The following ADAM7 variants were observed in gnomAD, a reference collection of about 807,000 sequenced individuals.
The protein encoded by ADAM7 is ADAM metallopeptidase domain 7.
Under a neutral mutation model 102.9 loss-of-function variants are expected in ADAM7, and 97 were observed. That is an observed-to-expected ratio of 0.94 (90% confidence interval 0.80 to 1.12). The LOEUF is 1.12. ADAM7 is among the 50% of genes most tolerant of loss of function. ADAM7 has a pLI of 0.00. For missense variants in ADAM7, 991 were observed against 908.7 expected (o/e 1.09, Z -1.16); for synonymous variants, 334 against 304.4 (o/e 1.10, Z -1.01).
At chr8:24,462,343 A>G (rs975104739) in intron 3 of ADAM7, among the ~76,000 whole-genome samples, 4 of 152,192 alleles carry the variant, frequency 2.6e-5, no homozygotes, top group Non-Finnish European at 5.9e-5. Context: ...ATTACTGTGT[A>G]CATTCCTGTT....
intron 11 of ADAM7, among the ~76,000 whole-genome samples, chr8:24,488,254 A>T (rs1411092845): frequency 6.6e-6 from 1 of 152,162 alleles, no homozygotes; most frequent in East Asian, 1.9e-4. Flanking sequence ...CATATTAAAC[A>T]CTCCATAAAC....
intron 3 of ADAM7, among the ~76,000 whole-genome samples, chr8:24,456,352 T>C (rs1443874217): frequency 2.6e-5 from 4 of 152,236 alleles, no homozygotes; most frequent in Admixed American, 6.5e-5. Context: ...ATCTTTACCA[T>C]ATTCTCTTTA....
intron 12 of ADAM7, 188 bp from the exon 13 acceptor site, chr8:24,490,611 G>A (rs991883322): frequency 3.5e-6 from 2 of 574,556 alleles, no homozygotes; most frequent in Admixed American, 3.2e-5. Flanking sequence ...AACAGCACGA[G>A]AGAAGGAGAA....
Position 24,505,627 on chromosome 8 carries a change from TTTTG to T in ADAM7, c.2209-1841_2209-1838del, listed in dbSNP as rs987045279. ...ACCTATTACGTTAATGATGTTTGTT[TTTTG>T]TTTGTTTGTTTTTTCTCTCCCTGCT... On this transcript the variant is annotated intron_variant, in intron 20 of 21. Transcript: ENST00000175238. 9.9e-5 allele frequency among the ~76,000 whole-genome samples: 15 copies of T among 152,248 alleles called. No individual in the cohort carries two copies. The East Asian group carries it at 1.7e-3, about 18-fold the overall frequency.
intron 20 of ADAM7, among the ~76,000 whole-genome samples, 167 bp downstream of exon 20, chr8:24,501,743 G>A (rs13277722): frequency 0.28 from 42,944 of 151,714 alleles, 6,637 homozygotes; most frequent in South Asian, 0.4. Flanking sequence ...GTAGGGAAAG[G>A]AAAGAGGGCA....
At chr8:24,468,742 A>T (rs185994645) in intron 6 of ADAM7, 25 bp from the exon 7 acceptor site, 3 of 1,607,942 alleles carry the variant, frequency 1.9e-6, no homozygotes, top group Admixed American at 3.3e-5. Flanking sequence ...ACTATACTTC[A>T]ACTGAATTTT....
At chr8:24,490,483 TCAGTACA>T (rs1378220294) in intron 12 of ADAM7, 10 of 215,722 alleles carry the variant, frequency 4.6e-5, no homozygotes, top group African/African-American at 2.3e-4. Flanking sequence ...ACATCACACT[TCAGTACA>T]GGGAAGCAGT....
chr8:24,481,774 G>A (rs1302734370), intron 8 of ADAM7, among the ~76,000 whole-genome samples: 2 of 152,316 alleles, frequency 1.3e-5, no homozygotes, highest in Admixed American at 6.5e-5. Flanking sequence ...GTATGAAGGT[G>A]CATAAGGAGC....
chr8:24,477,023 A>G (rs781549842), intron 8 of ADAM7, among the ~76,000 whole-genome samples: 8 of 152,278 alleles, frequency 5.3e-5, no homozygotes, highest in Admixed American at 6.5e-5. Context: ...CCTCAGCCCT[A>G]TTACTAGGAT....
At chr8:24,496,986 C>T (rs919373613) in intron 16 of ADAM7, among the ~76,000 whole-genome samples, 1 of 152,166 alleles carries the variant, frequency 6.6e-6, no homozygotes, top group Non-Finnish European at 1.5e-5. Flanking sequence ...GCTGTGTCTC[C>T]ACCCAAATCT....
Position 24,465,727 on chromosome 8 carries a change from T to C in ADAM7, c.341T>C (p.Val114Ala). The change falls in exon 5 of 22, where the codon GTA (valine) becomes GCA (alanine). Residue 114 changes from valine to alanine, a missense_variant. Coordinates refer to ENST00000175238, the MANE Select transcript of ADAM7 (RefSeq NM_003817.4). The stretch of plus-strand genomic sequence containing the variant: ...CATTGTTTTTACCAAGGATCCATAG[T>C]ACACGAATATGATTCAGCTGCCAGT... ...MDHCFYQGSI[V>A]HEYDSAASIS... 19 of 1,610,766 alleles carry C rather than the reference T, an allele frequency of 1.2e-5. No homozygotes were observed. The highest frequency in any genetic ancestry group is 1.6e-5 in the Non-Finnish European group (19 of 1,178,438).
chr8:24,453,504 G>T (rs1370773148), intron 3 of ADAM7, among the ~76,000 whole-genome samples: 1 of 152,086 alleles, frequency 6.6e-6, no homozygotes, highest in Non-Finnish European at 1.5e-5. Flanking sequence ...AGCTCCATCA[G>T]CTCCTTTAAG....
chr8:24,505,581 G>A (rs1336350632), intron 20 of ADAM7, among the ~76,000 whole-genome samples: 2 of 152,048 alleles, frequency 1.3e-5, no homozygotes, highest in Non-Finnish European at 2.9e-5. Flanking sequence ...GTTTGGGGGA[G>A]GTCCGTCTTT....
intron 18 of ADAM7, among the ~76,000 whole-genome samples, 163 bp downstream of exon 18, chr8:24,500,419 ACCTTTTACAGCAATTC>A (rs1381973741): frequency 1.3e-5 from 2 of 152,188 alleles, no homozygotes; most frequent in East Asian, 3.8e-4. Flanking sequence ...TACTGCAATT[ACCTTTTACAGCAATTC>A]CCTTTTACAG....
chr8:24,442,912 T>C (rs12114256), intron 2 of ADAM7, among the ~76,000 whole-genome samples: 42,839 of 152,072 alleles, frequency 0.28, 6,650 homozygotes, highest in South Asian at 0.39. Flanking sequence ...AGGTCTGGTA[T>C]GCAAGGTTTT....
At chr8:24,463,846 G>A (rs760886626) in intron 3 of ADAM7, 36 bp from the exon 4 acceptor site, 3 of 1,565,688 alleles carry the variant, frequency 1.9e-6, no homozygotes, top group South Asian at 1.1e-5. Context: ...TTTTTAGAAC[G>A]AACAAATCTC....
At chr8:24,499,822 A>AT (rs1396437402) in intron 17 of ADAM7, among the ~76,000 whole-genome samples, 19 of 135,614 alleles carry the variant, frequency 1.4e-4, no homozygotes, top group African/African-American at 3.0e-4. Context: ...ACACACACAC[A>AT]CACACATCAC....
intron 7 of ADAM7, among the ~76,000 whole-genome samples, chr8:24,471,892 AAAGG>A (rs1413129761): frequency 2.0e-5 from 3 of 152,040 alleles, no homozygotes; most frequent in African/African-American, 7.2e-5. Context: ...GAATATAGGA[AAAGG>A]ACATTATGAC....
chr8:24,454,625 G>A (rs570391024), intron 3 of ADAM7, among the ~76,000 whole-genome samples: 16 of 152,216 alleles, frequency 1.1e-4, no homozygotes, highest in African/African-American at 3.1e-4. Flanking sequence ...GCAATGCCTC[G>A]CCCTGCTTCT....
Sources: allele counts gnomAD v4.1 joint callset (sites outside exome capture counted in the v4.1 genomes callset), GRCh38; gene constraint gnomAD v4.1.1; transcripts MANE v1.5; gene names NCBI Gene and HGNC (gene_info 2026-07-23, HGNC 2026-07-21).